MYH1: variants seen among roughly 807,000 people sequenced by gnomAD.
MYH1 encodes the protein myosin heavy chain 1.
In MYH1, 214 loss-of-function variants were observed where a neutral mutation model predicts 225.6. That is an observed-to-expected ratio of 0.95 (90% CI 0.85 to 1.06). The LOEUF (loss-of-function observed/expected upper bound fraction) is 1.06, where lower values mean the gene tolerates loss of function less well. MYH1 is among the 50% of genes least tolerant of loss of function. The pLI is 0.00. For missense variants in MYH1, 2,098 were observed against 2,344.2 expected, an observed-to-expected ratio of 0.89 and a Z score of 2.17; for synonymous variants, 774 against 842.3, an observed-to-expected ratio of 0.92 and a Z score of 1.40.
chr17:10,513,507 A>C, intron 9 of MYH1, 119 bp downstream of exon 9: 1 of 984,700 alleles, frequency 1.0e-6, no homozygotes. Context: ...ATTAACCACA[A>C]GCATGTTTGG....
chr17:10,512,781 A>C lies in MYH1; in HGVS notation c.908T>G (p.Met303Arg), dbSNP rs2142277940. 1 of 1,614,030 alleles carries C rather than the reference A, an allele frequency of 6.2e-7. No homozygotes were observed. Among genetic ancestry groups the C allele is most frequent in the East Asian group, 2.2e-5 (1 of 44,874 alleles). ...GTATGGGTTGGTGGTGATCAGGAGC[A>C]TTTCTGGGTCACAGAATTCAGGGCA... ...MSNKKPDLIE[M>R]LLITTNPYDY... Residue 303 changes from methionine to arginine, a missense_variant, in exon 11 of 40, where the codon ATG (methionine) becomes AGG (arginine). Coordinates refer to ENST00000226207, the MANE Select transcript of MYH1 (RefSeq NM_005963.4).
chr17:10,505,758 T>C (rs963540175), intron 19 of MYH1, 54 bp downstream of exon 19: 2 of 1,603,178 alleles, frequency 1.2e-6, no homozygotes, highest in African/African-American at 2.7e-5. Flanking sequence ...CATTGAAAAA[T>C]GTTTAAAAAG....
rs565715126 is a variant in MYH1 at position 10,512,020 on chromosome 17, A to T, written c.1267-32T>A. On this transcript the variant is annotated intron_variant, in intron 13 of 39. Coordinates refer to ENST00000226207, the MANE Select transcript of MYH1 (RefSeq NM_005963.4). ...AGATAAAGTTTGTTGGTGTTATTAA[A>T]GACATGTCATGAAGGCCTGGGATGT... The T allele has an allele frequency of 2.3e-4, 377 of 1,614,164 alleles. 1 individual carries two copies. The South Asian group carries it at 3.7e-3, about 16-fold the overall frequency.
At chr17:10,502,074 G>A (rs2073063975) in intron 24 of MYH1, among the ~76,000 whole-genome samples, 163 bp from the exon 25 acceptor site, 1 of 152,206 alleles carries the variant, frequency 6.6e-6, no homozygotes, top group Non-Finnish European at 1.5e-5. Flanking sequence ...AGTCGAAAAA[G>A]TCATCGTTTA....
At chr17:10,497,600 CT>C in intron 31 of MYH1, 133 bp downstream of exon 31, 1 of 1,492,696 alleles carries the variant, frequency 6.7e-7, no homozygotes, top group Non-Finnish European at 9.0e-7. Context: ...AGCACTTCCC[CT>C]CTCCACAGAC....
rs1387477594 is a variant in MYH1 at position 10,496,311 on chromosome 17, T to C, written c.4895A>G (p.Gln1632Arg). Reference sequence around the variant, plus strand: ...AGCCATGCGGTTGGCATGGTTCAGCTGGATTTCCATTTCATTGAGGTCTCC... The same window carrying C: ...AGCCATGCGGTTGGCATGGTTCAGCCGGATTTCCATTTCATTGAGGTCTCC... ...MEGDLNEMEI[Q>R]LNHANRMAAE... Residue 1632 changes from glutamine (Q) to arginine (R), a missense_variant, in exon 34 of 40, where the codon CAG (glutamine) becomes CGG (arginine). By Grantham distance (43) the Gln-to-Arg change is conservative (BLOSUM62 1). Transcript: ENST00000226207. 6.2e-7 allele frequency: 1 copy of C among 1,614,044 alleles called. No homozygotes were observed. The highest frequency in any genetic ancestry group is 8.5e-7 in the Non-Finnish European group (1 of 1,180,032).
At chr17:10,508,342 A>T (rs780373282) in intron 16 of MYH1, 21 bp downstream of exon 16, 21 of 1,570,470 alleles carry the variant, frequency 1.3e-5, no homozygotes, top group Non-Finnish European at 1.6e-5. Flanking sequence ...TAGGTAAAAG[A>T]TTAATTATAT....
At chr17:10,493,353 C>A (rs2072954112) in intron 39 of MYH1, among the ~76,000 whole-genome samples, 1 of 152,148 alleles carries the variant, frequency 6.6e-6, no homozygotes, top group Non-Finnish European at 1.5e-5. Context: ...TCATTCCCCT[C>A]CATTCCCATC....
chr17:10,502,600 T>C, intron 24 of MYH1, 138 bp downstream of exon 24: 1 of 1,294,394 alleles, frequency 7.7e-7, no homozygotes, highest in Non-Finnish European at 1.1e-6. Flanking sequence ...TTAGACCTTG[T>C]AATAGGGATG....
At position 10,508,513 on chromosome 17, in the gene MYH1, T is replaced by C. The variant is rs773749815; in HGVS notation, c.1747A>G (p.Ile583Val). 2 of 1,614,002 alleles carry C rather than the reference T, an allele frequency of 1.2e-6. No homozygotes were observed. Among genetic ancestry groups the C allele is most frequent in the African/African-American group, 2.7e-5 (2 of 74,892 alleles). ...TAGTCCACGGTGCCAGCATAGTGAA[T>C]CAAAGAGAAGTGGGCCTCAGGCTTG... ...KGKPEAHFSL[I>V]HYAGTVDYNI... Residue 583 changes from isoleucine (I) to valine (V), a missense_variant, in exon 16 of 40, where the codon ATT becomes GTT. Coordinates refer to ENST00000226207, the MANE Select transcript of MYH1 (RefSeq NM_005963.4).
chr17:10,516,216 C>T lies in MYH1; in HGVS notation c.331G>A (p.Ala111Thr), dbSNP rs769682510. The stretch of plus-strand genomic sequence containing the variant: ...GAACTCACGTAGATCATCCAGGCTG[C>T]GTAGCGCTCTTTGAGGTTGTACAGC... ...AVLYNLKERY[A>T]AWMIYTYSGL... Residue 111 changes from alanine (A) to threonine (T), a missense_variant, in exon 4 of 40, where the codon GCA (alanine) becomes ACA (threonine). Transcript: ENST00000226207. The T allele has an allele frequency of 3.3e-5, 54 of 1,614,068 alleles. No homozygotes were observed. Among genetic ancestry groups the T allele is most frequent in the African/African-American group, 1.3e-4 (10 of 74,928 alleles).
Position 10,515,928 on chromosome 17 carries a change from G to C in MYH1, c.503C>G (p.Thr168Ser). 6.2e-7 allele frequency: 1 copy of C among 1,614,140 alleles called. No homozygotes were observed. The highest frequency in any genetic ancestry group is 8.5e-7 in the Non-Finnish European group (1 of 1,180,024). The change falls in exon 5 of 40, where the codon ACT becomes AGT. Residue 168 changes from threonine to serine, a missense_variant and splice_region_variant. Transcript: ENST00000226207. Reference protein sequence around the residue: ...ISDNAYQFMLTDRENQSILIT... With the variant: ...ISDNAYQFMLSDRENQSILIT... Reference sequence around the variant, plus strand: ...TGAAAACCAGCTGAGCCACTCACCAGTCAGCATGAACTGATAGGCATTGTC... The same window carrying C: ...TGAAAACCAGCTGAGCCACTCACCACTCAGCATGAACTGATAGGCATTGTC...
rs920279477 is a variant in MYH1, at chr17:10,497,920, A to G, written c.4182-3T>C. ...GCAGACGCTGAGCCAGCTTCTTCCT[A>G]TGAAATATGGGCAATAAAAGTGAAT... On this transcript the variant is annotated splice_region_variant and splice_polypyrimidine_tract_variant and intron_variant, in intron 30 of 39. Coordinates refer to ENST00000226207, the MANE Select transcript of MYH1 (RefSeq NM_005963.4). 5.0e-6 allele frequency: 8 copies of G among 1,595,398 alleles called. No individual in the cohort carries two copies. The highest frequency in any genetic ancestry group is 2.2e-5 in the East Asian group (1 of 44,784).
At chr17:10,494,243 A>T in intron 39 of MYH1, 111 bp downstream of exon 39, 1 of 1,072,356 alleles carries the variant, frequency 9.3e-7, no homozygotes, top group African/African-American at 1.6e-5. Flanking sequence ...CCATGTAGCC[A>T]TTTGTTTTCT....
At chr17:10,494,762 A>T in intron 37 of MYH1, 89 bp from the exon 38 acceptor site, 1 of 1,586,988 alleles carries the variant, frequency 6.3e-7, no homozygotes, top group South Asian at 1.2e-5. Flanking sequence ...TCTGCTTTAT[A>T]TGTAGTTTTT....
chr17:10,495,858 C>G, intron 35 of MYH1, 92 bp downstream of exon 35: 1 of 1,453,950 alleles, frequency 6.9e-7, no homozygotes, highest in Non-Finnish European at 9.3e-7. Flanking sequence ...TTCATGAAAT[C>G]TTATAAATAG....
At chr17:10,501,534 C>CT (rs1567717565) in intron 26 of MYH1, 35 bp from the exon 27 acceptor site, 1 of 1,614,224 alleles carries the variant, frequency 6.2e-7, no homozygotes, top group South Asian at 1.1e-5. Context: ...ACGAACTCAA[C>CT]TTCTTGGTGT....
chr17:10,512,848 C>T lies in MYH1; in HGVS notation c.904+19G>A. The T allele has an allele frequency of 6.2e-7, 1 of 1,604,512 alleles. No homozygotes were observed. Among genetic ancestry groups the T allele is most frequent in the Non-Finnish European group, 8.5e-7 (1 of 1,171,362 alleles). On this transcript the variant is annotated intron_variant, in intron 10 of 39. Coordinates refer to ENST00000226207, the MANE Select transcript of MYH1 (RefSeq NM_005963.4). ...AGATAGTACAGTGACAATCTTCTAGCTATGAATTTATTTCTTACCAATTAG... is the reference window on the plus strand; with the variant it reads ...AGATAGTACAGTGACAATCTTCTAGTTATGAATTTATTTCTTACCAATTAG...
chr17:10,504,564 C>T lies in MYH1; in HGVS notation c.2691+246G>A, dbSNP rs543825595. ...GCTCACTTTATTTCCTGTTCACATT[C>T]TGCTGTAGAAAACAACAGAGGGGAA... is the stretch of plus-strand genomic sequence containing the variant. On this transcript the variant is annotated intron_variant, in intron 22 of 39. Coordinates refer to ENST00000226207, the MANE Select transcript of MYH1 (RefSeq NM_005963.4). 2.0e-5 allele frequency among the ~76,000 whole-genome samples: 3 copies of T among 152,336 alleles called. No individual in the cohort carries two copies. The East Asian group carries it at 5.8e-4, about 29-fold the overall frequency.
Sources: allele counts gnomAD v4.1 joint callset (sites outside exome capture counted in the v4.1 genomes callset), GRCh38; gene constraint gnomAD v4.1.1; transcripts MANE v1.5; gene names NCBI Gene and HGNC (gene_info 2026-07-23, HGNC 2026-07-21).